Variants in STXBP6 observed in about 807,000 individuals in gnomAD.
STXBP6 encodes syntaxin-binding protein 6.
In STXBP6, 21 loss-of-function variants were observed where a neutral mutation model predicts 26.9. The ratio of observed to expected loss-of-function variants is 0.78; its 90% CI spans 0.55 to 1.12. STXBP6 has a LOEUF of 1.12. STXBP6 is among the 50% of genes most tolerant of loss of function. The pLI, the probability that STXBP6 is intolerant of heterozygous loss-of-function variation, is 0.00. For synonymous variants in STXBP6, 97 were observed against 92.6 expected (o/e 1.05, Z -0.27); for missense variants, 232 against 257.9 (o/e 0.90, Z 0.69).
intron 1 of STXBP6, among the ~76,000 whole-genome samples, chr14:25,025,401 C>T (rs1442501799): frequency 6.6e-6 from 1 of 151,916 alleles, no homozygotes; most frequent in Non-Finnish European, 1.5e-5. Context: ...GTCAAAGGCA[C>T]ATCAAATGGA....
intron 5 of STXBP6, among the ~76,000 whole-genome samples, chr14:24,815,338 T>C (rs997589126): frequency 2.0e-5 from 3 of 152,092 alleles, no homozygotes; most frequent in Non-Finnish European, 4.4e-5. Flanking sequence ...TTCAATGCTA[T>C]GCATGTAACC....
chr14:24,898,946 C>T (rs532361275), intron 2 of STXBP6, among the ~76,000 whole-genome samples: 100 of 152,306 alleles, frequency 6.6e-4, no homozygotes, highest in African/African-American at 2.0e-3. Context: ...ATTACATAGG[C>T]ATGATTGATT....
At chr14:24,873,426 C>A (rs1300657841) in intron 2 of STXBP6, among the ~76,000 whole-genome samples, 1 of 152,082 alleles carries the variant, frequency 6.6e-6, no homozygotes, top group Middle Eastern at 3.2e-3. Flanking sequence ...AAACTGAATC[C>A]CTCAGGGGAG....
intron 1 of STXBP6, among the ~76,000 whole-genome samples, chr14:25,048,413 T>C (rs554957611): frequency 1.1e-4 from 16 of 152,222 alleles, no homozygotes; most frequent in Non-Finnish European, 2.2e-4. Flanking sequence ...AGCTGAAACT[T>C]GACCTCAAGT....
intron 1 of STXBP6, among the ~76,000 whole-genome samples, chr14:25,041,152 C>G (rs2075636290): frequency 6.6e-6 from 1 of 152,092 alleles, no homozygotes; most frequent in Non-Finnish European, 1.5e-5. Context: ...GAAACCCAGT[C>G]TCTACTAAAA....
At chr14:24,935,433 A>G (rs927690147) in intron 2 of STXBP6, among the ~76,000 whole-genome samples, 1 of 152,214 alleles carries the variant, frequency 6.6e-6, no homozygotes, top group African/African-American at 2.4e-5. Flanking sequence ...AAATAAATCC[A>G]TATATATGAT....
intron 2 of STXBP6, among the ~76,000 whole-genome samples, chr14:24,892,760 G>A (rs2070839165): frequency 6.6e-6 from 1 of 152,188 alleles, no homozygotes; most frequent in Non-Finnish European, 1.5e-5. Flanking sequence ...GACCATGAGA[G>A]CTGCAATGGG....
chr14:24,863,476 T>C (rs2069615528), intron 2 of STXBP6, among the ~76,000 whole-genome samples: 1 of 152,164 alleles, frequency 6.6e-6, no homozygotes, highest in Non-Finnish European at 1.5e-5. Flanking sequence ...TCAGCCACAG[T>C]TTTAAGGTAT....
At chr14:24,858,361 C>T (rs1216037486) in intron 2 of STXBP6, among the ~76,000 whole-genome samples, 1 of 152,090 alleles carries the variant, frequency 6.6e-6, no homozygotes, top group African/African-American at 2.4e-5. Flanking sequence ...AGTGAGAACC[C>T]TACTTTCCCA....
chr14:24,924,106 G>A (rs548398702), intron 2 of STXBP6, among the ~76,000 whole-genome samples: 2 of 152,050 alleles, frequency 1.3e-5, no homozygotes, highest in East Asian at 1.9e-4. Context: ...GTGAGCTAGA[G>A]GTCCACTTTC....
At chr14:25,048,348 A>G (rs2075756513) in intron 1 of STXBP6, among the ~76,000 whole-genome samples, 1 of 152,216 alleles carries the variant, frequency 6.6e-6, no homozygotes, top group East Asian at 1.9e-4. Context: ...CAGAAGAGAA[A>G]ACTTAAGTTC....
intron 2 of STXBP6, among the ~76,000 whole-genome samples, chr14:24,888,924 ACCCTGCCC>A (rs914762896): frequency 6.6e-6 from 1 of 152,058 alleles, no homozygotes; most frequent in Admixed American, 6.6e-5. Context: ...TGTTTAGAGT[ACCCTGCCC>A]CTTTTCCTCT....
At chr14:24,858,702 TTG>T (rs1187044817) in intron 2 of STXBP6, among the ~76,000 whole-genome samples, 1 of 152,148 alleles carries the variant, frequency 6.6e-6, no homozygotes, top group African/African-American at 2.4e-5. Flanking sequence ...CATTTATTTT[TTG>T]TGTCTCCTAT....
chr14:25,015,706 G>A (rs543756031), intron 1 of STXBP6, among the ~76,000 whole-genome samples: 1 of 151,420 alleles, frequency 6.6e-6, no homozygotes, highest in African/African-American at 2.4e-5. Flanking sequence ...GTGGATAATT[G>A]TTATGTTTTC....
intron 4 of STXBP6, among the ~76,000 whole-genome samples, chr14:24,832,874 T>C (rs1410637886): frequency 6.6e-6 from 1 of 152,228 alleles, no homozygotes; most frequent in African/African-American, 2.4e-5. Flanking sequence ...TACGATTTGC[T>C]AAGTGACTAC....
chr14:24,891,389 T>C (rs1178473568), intron 2 of STXBP6, among the ~76,000 whole-genome samples: 1 of 152,224 alleles, frequency 6.6e-6, no homozygotes, highest in Non-Finnish European at 1.5e-5. Context: ...GTTCATATCC[T>C]GTATATGGTT....
chr14:24,897,384 T>C (rs1396113316), intron 2 of STXBP6, among the ~76,000 whole-genome samples: 1 of 118,774 alleles, frequency 8.4e-6, no homozygotes, highest in Non-Finnish European at 1.6e-5. Context: ...CACTCCAGCC[T>C]GGGCGACAGA....
chr14:24,918,116 G>C (rs1236739434), intron 2 of STXBP6, among the ~76,000 whole-genome samples: 1 of 152,034 alleles, frequency 6.6e-6, no homozygotes, highest in African/African-American at 2.4e-5. Context: ...GGGGGAGGTT[G>C]TATCTAATAA....
At chr14:24,865,918 G>A (rs1373203451) in intron 2 of STXBP6, among the ~76,000 whole-genome samples, 1 of 152,146 alleles carries the variant, frequency 6.6e-6, no homozygotes, top group African/African-American at 2.4e-5. Context: ...CGAAGGTAGA[G>A]TATGCTAAAG....
Sources: gnomAD v4.1 joint callset for allele counts (sites outside exome capture counted in the v4.1 genomes callset) on GRCh38, gnomAD v4.1.1 for gene constraint, MANE v1.5 for transcripts, NCBI Gene and HGNC (gene_info 2026-07-23, HGNC 2026-07-21) for gene names.